RNF17: variants seen among roughly 807,000 people sequenced by gnomAD.
RNF17 encodes spermatogenesis associated 23.
Under a neutral mutation model 200.5 loss-of-function variants are expected in RNF17, and 31 were observed. That is an observed-to-expected ratio of 0.15 (90% CI 0.12 to 0.21). The LOEUF is 0.21. Ranked by LOEUF, RNF17 falls within the 10% of genes least tolerant of loss-of-function variation. The pLI, the probability that RNF17 is intolerant of heterozygous loss-of-function variation, is 1.00. For synonymous variants in RNF17, 606 were observed against 637.8 expected (o/e 0.95, Z 0.75); for missense variants, 1,628 against 1,905.1 (o/e 0.85, Z 2.71).
At position 24,789,531 on chromosome 13, in the gene RNF17, G is replaced by C. The variant is rs531380851; in HGVS notation, c.860+107G>C. On this transcript the variant is annotated intron_variant, in intron 8 of 35. Transcript: ENST00000255324. ...TAAATTGAAATTTTGGGTCACAAAT[G>C]TTTACTAAGTTAGTAACCAAATTAA... The C allele has an allele frequency of 9.4e-5, 90 of 956,122 alleles. No individual in the cohort carries two copies. In the African/African-American group the frequency reaches 1.3e-3, roughly 14 times the overall value. The allele number at this position is 956,122 out of a possible 1,614,324, so 59.2% of individuals were successfully genotyped here. A position where few individuals can be genotyped will look rare whatever the true frequency, so the allele number is the denominator to read the frequency against.
At position 24,865,091 on chromosome 13, in the gene RNF17, C is replaced by A. The variant is rs562490914; in HGVS notation, c.4101+93C>A. On this transcript the variant is annotated intron_variant, in intron 29 of 35. Transcript: ENST00000255324. ...CTTACACTGTGTCTTAAATATGATT[C>A]TACATATCTGATCTATTAAGAGAGT... 9 of 932,636 alleles carry A rather than the reference C, an allele frequency of 9.7e-6. No individual in the cohort carries two copies. In the African/African-American group the frequency reaches 1.5e-4, roughly 16 times the overall value. 57.8% of individuals were successfully genotyped at this position (932,636 alleles called of 1,614,324 possible).
chr13:24,770,512 G>T (rs1260322432), intron 2 of RNF17, among the ~76,000 whole-genome samples: 2 of 152,162 alleles, frequency 1.3e-5, no homozygotes, highest in Non-Finnish European at 2.9e-5. Context: ...AAGCCAAAGT[G>T]TGATGAACTA....
chr13:24,885,635 G>A, the RNF17 span: 25 of 1,612,698 alleles, frequency 1.6e-5, no homozygotes, highest in Non-Finnish European at 2.0e-5. Context: ...CCTAAATCAC[G>A]AGGAGGTGCA....
At chr13:24,873,742 TG>T (rs35901633) in intron 32 of RNF17, among the ~76,000 whole-genome samples, 56,349 of 151,904 alleles carry the variant, frequency 0.37, 10,837 homozygotes, top group Non-Finnish European at 0.43. Context: ...CTCATGTAAC[TG>T]AACCATTAAT....
chr13:24,802,237 G>A, intron 13 of RNF17, 144 bp from the exon 14 acceptor site: 1 of 617,348 alleles, frequency 1.6e-6, no homozygotes, highest in Non-Finnish European at 2.7e-6. Context: ...ACCACGCCCG[G>A]CTGCCCTGGC....
chr13:24,763,021 CTGA>C (rs1431361354), upstream of RNF17, among the ~76,000 whole-genome samples: 2 of 152,156 alleles, frequency 1.3e-5, no homozygotes, highest in Non-Finnish European at 2.9e-5. Flanking sequence ...CCTTCCCTCG[CTGA>C]TGTGTTCTTT....
At position 24,793,361 on chromosome 13, in the gene RNF17, AAAAGCAGAGGGG is replaced by A; in HGVS notation, c.1240+20_1240+31del. The A allele has an allele frequency of 6.4e-7, 1 of 1,567,766 alleles. No homozygotes were observed. The highest frequency in any genetic ancestry group is 8.6e-7 in the Non-Finnish European group (1 of 1,161,730). Reference sequence around the variant, plus strand: ...CAACGTGGAAAGTAAGTTAAAATGTAAAAGCAGAGGGGAAAGATCTTGTATCTGTAATTAGAC... The same window carrying A: ...CAACGTGGAAAGTAAGTTAAAATGTAAAAGATCTTGTATCTGTAATTAGAC... On this transcript the variant is annotated intron_variant, in intron 10 of 35. Coordinates refer to ENST00000255324, the MANE Select transcript of RNF17 (RefSeq NM_031277.3).
chr13:24,805,067 G>C (rs928733711), intron 15 of RNF17, among the ~76,000 whole-genome samples: 2 of 152,136 alleles, frequency 1.3e-5, no homozygotes, highest in African/African-American at 2.4e-5. Flanking sequence ...GTAGAACCAG[G>C]ATTGACCAAG....
At chr13:24,811,419 T>C (rs1886596754) in intron 15 of RNF17, among the ~76,000 whole-genome samples, 1 of 152,222 alleles carries the variant, frequency 6.6e-6, no homozygotes, top group Non-Finnish European at 1.5e-5. Context: ...TACCCTTTCT[T>C]CCAGTTGATC....
At chr13:24,758,679 G>T in the RNF17 span, among the ~76,000 whole-genome samples, 1 of 152,094 alleles carries the variant, frequency 6.6e-6, no homozygotes, top group Non-Finnish European at 1.5e-5. Flanking sequence ...AGTTCTGTGA[G>T]CCAAAGAAGA....
chr13:24,838,256 A>G (rs1324311370), intron 18 of RNF17, among the ~76,000 whole-genome samples: 3 of 152,162 alleles, frequency 2.0e-5, no homozygotes, highest in African/African-American at 4.8e-5. Context: ...CTGCCAGACA[A>G]TCGAAGAATT....
intron 33 of RNF17, among the ~76,000 whole-genome samples, chr13:24,874,889 A>G (rs968750316): frequency 4.6e-5 from 7 of 152,246 alleles, no homozygotes; most frequent in Non-Finnish European, 7.3e-5. Flanking sequence ...CCCATAGTCT[A>G]CTGTCTCTGA....
chr13:24,866,251 A>G, intron 30 of RNF17, 48 bp downstream of exon 30: 3 of 988,746 alleles, frequency 3.0e-6, no homozygotes, highest in Non-Finnish European at 4.8e-6. Flanking sequence ...CTTCATTAAT[A>G]AAAAGGATCT....
At chr13:24,861,118 A>G (rs757374047) in intron 26 of RNF17, 150 bp from the exon 27 acceptor site, 166 of 557,954 alleles carry the variant, frequency 3.0e-4, no homozygotes, top group Non-Finnish European at 3.9e-4. Context: ...GGCTCAAACA[A>G]TCCACCCACC....
intron 15 of RNF17, among the ~76,000 whole-genome samples, chr13:24,807,349 T>C (rs914151978): frequency 2.6e-4 from 39 of 151,344 alleles, no homozygotes; most frequent in African/African-American, 9.4e-4. Context: ...TTCTAACTGG[T>C]GTGAGATGGT....
chr13:24,877,568 G>A (rs1566266637), intron 34 of RNF17, among the ~76,000 whole-genome samples: 1 of 152,180 alleles, frequency 6.6e-6, no homozygotes, highest in Non-Finnish European at 1.5e-5. Flanking sequence ...GGAAGCGTAA[G>A]AAGAAATGAT....
chr13:24,880,720 T>C (rs913114273), downstream of RNF17, among the ~76,000 whole-genome samples: 3 of 152,216 alleles, frequency 2.0e-5, no homozygotes, highest in South Asian at 2.1e-4. Flanking sequence ...TACATATACA[T>C]AGTGATGGAA....
At chr13:24,778,030 G>C (rs1461251383) in intron 3 of RNF17, among the ~76,000 whole-genome samples, 3 of 152,140 alleles carry the variant, frequency 2.0e-5, no homozygotes, top group Non-Finnish European at 4.4e-5. Context: ...GGGGGGCCGA[G>C]GTGGGTAGAT....
At chr13:24,885,323 C>T in the RNF17 span, 2 of 1,613,990 alleles carry the variant, frequency 1.2e-6, no homozygotes, top group Non-Finnish European at 1.7e-6. Flanking sequence ...TGGTCTTCCT[C>T]CTCCTCTTTA....
Sources: gnomAD v4.1 joint callset for allele counts (sites outside exome capture counted in the v4.1 genomes callset) on GRCh38, gnomAD v4.1.1 for gene constraint, MANE v1.5 for transcripts, NCBI Gene and HGNC (gene_info 2026-07-23, HGNC 2026-07-21) for gene names.